The following SYNE1 variants were observed in gnomAD, a reference collection of about 807,000 sequenced individuals.
SYNE1 encodes nesprin-1.
A neutral mutation model predicts 1,111.0 loss-of-function variants in SYNE1; 616 were observed. The observed-to-expected ratio is 0.55, with a 90% CI of 0.52 to 0.59. The LOEUF (loss-of-function observed/expected upper bound fraction) is 0.59. Ranked by LOEUF, SYNE1 falls within the 20% of genes least tolerant of loss-of-function variation. The probability of loss-of-function intolerance (pLI) is 0.00; values close to 1 mark genes in which losing one functional copy is unlikely to be tolerated. For synonymous variants in SYNE1, 3,855 were observed against 3,825.8 expected (o/e 1.01, Z -0.28); for missense variants, 10,006 against 10,417.0 (o/e 0.96, Z 1.72).
chr6:152,302,206 C>T, intron 91 of SYNE1, 143 bp from the exon 92 acceptor site: 2 of 1,073,668 alleles, frequency 1.9e-6, no homozygotes, highest in Non-Finnish European at 2.8e-6. Flanking sequence ...GCGGCGAGTC[C>T]TCCTGCATCT....
rs1297237844 is a variant in SYNE1, at chr6:152,399,716, G to A, written c.7137C>T (p.Gly2379=). ...KYHSAELESL[G]RAMTGLIKKH... is the part of the protein sequence containing the mutation. Reference sequence around the variant, plus strand: ...TCTTTATCAGACCAGTCATTGCACGGCCCAGGCTCTCCAACTCAGCTGAGT... The same window carrying A: ...TCTTTATCAGACCAGTCATTGCACGACCCAGGCTCTCCAACTCAGCTGAGT... Residue 2379 remains glycine (G), a synonymous_variant, in exon 48 of 146, where the codon GGC becomes GGT. Transcript: ENST00000367255. 1.2e-6 allele frequency: 2 copies of A among 1,614,124 alleles called. No homozygotes were observed. The highest frequency in any genetic ancestry group is 2.2e-5 in the East Asian group (1 of 44,876).
intron 95 of SYNE1, among the ~76,000 whole-genome samples, chr6:152,284,593 T>C (rs1337483517): frequency 6.7e-6 from 1 of 150,336 alleles, no homozygotes; most frequent in African/African-American, 2.4e-5. Context: ...GACTGGTGTG[T>C]GCTACCACAC....
Position 152,505,201 on chromosome 6 carries a change from C to G in SYNE1, c.778G>C (p.Asp260His). 6.2e-7 allele frequency: 1 copy of G among 1,613,988 alleles called. No individual in the cohort carries two copies. Among genetic ancestry groups the G allele is most frequent in the Non-Finnish European group, 8.5e-7 (1 of 1,179,970 alleles). ...LGIPRLLDPE[D>H]VDVDKPDEKS... ...AACAGTCAATGAATATTCAGCCTAC[C>G]TTCAGGATCTAGCAGTCTTGGGATC... The change falls in exon 9 of 146, where the codon GAC becomes CAC. Residue 260 changes from aspartate (D) to histidine (H), a missense_variant and splice_region_variant. Physicochemically the swap from Asp to His is moderately conservative, Grantham distance 81. This residue lies in a region of SYNE1 where 1,971 missense variants were observed against 2,084.1 expected (regional missense o/e 0.95). Transcript: ENST00000367255.
chr6:152,256,709 C>T lies in SYNE1; in HGVS notation c.19029G>A (p.Val6343=). The change falls in exon 102 of 146, where the codon GTG becomes GTA. Residue 6343 remains valine (V), a synonymous_variant. Transcript: ENST00000367255. The part of the protein sequence containing the change: ...LSGVPLYKGD[V]PTQDKSAVTS... Reference sequence around the variant, plus strand: ...TAACTGCAGATTTATCTTGGGTTGGCACGTCCCCTTTGTACAGTGGCACAC... The same window carrying T: ...TAACTGCAGATTTATCTTGGGTTGGTACGTCCCCTTTGTACAGTGGCACAC... 6.2e-7 allele frequency: 1 copy of T among 1,614,090 alleles called. No homozygotes were observed. The highest frequency in any genetic ancestry group is 1.3e-5 in the African/African-American group (1 of 75,050).
chr6:152,613,096 G>A (rs1376228597), intron 3 of SYNE1, among the ~76,000 whole-genome samples: 1 of 152,146 alleles, frequency 6.6e-6, no homozygotes, highest in Non-Finnish European at 1.5e-5. Flanking sequence ...ACAAGACAAG[G>A]ATGCCCTCTC....
intron 106 of SYNE1, 124 bp from the exon 107 acceptor site, chr6:152,242,564 C>T: frequency 1.1e-6 from 1 of 943,570 alleles, no homozygotes; most frequent in Non-Finnish European, 1.7e-6. Context: ...GGATGTGCCT[C>T]CTGGAAACGC....
chr6:152,323,756 A>G lies in SYNE1; in HGVS notation c.15658-19T>C, dbSNP rs2095957330. The G allele has an allele frequency of 3.1e-6, 5 of 1,613,982 alleles. No homozygotes were observed. The highest frequency in any genetic ancestry group is 4.2e-6 in the Non-Finnish European group (5 of 1,179,934). On this transcript the variant is annotated intron_variant, in intron 81 of 145. Transcript: ENST00000367255. ...TTTTAACCTGATGACAAATGTACATACTATGAAGTTCAATAATAAATAAAC... is the reference window on the plus strand; with the variant it reads ...TTTTAACCTGATGACAAATGTACATGCTATGAAGTTCAATAATAAATAAAC...
chr6:152,491,047 T>C (rs2098967615), intron 11 of SYNE1, among the ~76,000 whole-genome samples: 1 of 152,202 alleles, frequency 6.6e-6, no homozygotes, highest in East Asian at 1.9e-4. Flanking sequence ...AAGACAGTCT[T>C]CCCTTGGTGT....
At chr6:152,167,977 G>T in intron 130 of SYNE1, 1 of 777,632 alleles carries the variant, frequency 1.3e-6, no homozygotes, top group South Asian at 1.4e-5. Flanking sequence ...CACATGGCCA[G>T]CTATCTCCCA....
chr6:152,461,855 C>A (rs1205137795), intron 20 of SYNE1, 115 bp from the exon 21 acceptor site: 2 of 1,377,702 alleles, frequency 1.5e-6, no homozygotes, highest in Non-Finnish European at 2.0e-6. Context: ...CCAATACTTA[C>A]ACTAAACTTT....
Position 152,368,897 on chromosome 6 carries a change from C to CCCTGCAGAA in SYNE1, c.9807+66_9807+74dup, listed in dbSNP as rs1217083516. On this transcript the variant is annotated intron_variant, in intron 61 of 145. Coordinates refer to ENST00000367255, the MANE Select transcript of SYNE1 (RefSeq NM_182961.4). ...TGGGCGGGTCAGGATGCAATGCACA[C>CCCTGCAGAA]CCTGCAGAACCTGCTGCAACTCCAA... 11 of 1,599,114 alleles carry CCCTGCAGAA rather than the reference C, an allele frequency of 6.9e-6. No individual in the cohort carries two copies. In the East Asian group the frequency reaches 2.0e-4, roughly 29 times the overall value.
intron 3 of SYNE1, among the ~76,000 whole-genome samples, chr6:152,561,539 T>C (rs772204484): frequency 2.7e-4 from 41 of 152,030 alleles, no homozygotes; most frequent in Non-Finnish European, 5.7e-4. Context: ...CCTATCAAAA[T>C]TCCAACGGCA....
chr6:152,141,104 TAGA>T, intron 139 of SYNE1, 96 bp downstream of exon 139: 5 of 1,526,738 alleles, frequency 3.3e-6, no homozygotes, highest in South Asian at 1.1e-5. Context: ...TAGAACGGTG[TAGA>T]AGAAGGCCAA....
chr6:152,189,831 TCCA>T (rs2071693664), intron 127 of SYNE1, among the ~76,000 whole-genome samples: 1 of 152,228 alleles, frequency 6.6e-6, no homozygotes, highest in African/African-American at 2.4e-5. Context: ...CATTGACTGA[TCCA>T]GTGGTGATTG....
At chr6:152,399,581 A>G in intron 48 of SYNE1, 35 bp downstream of exon 48, 3 of 1,612,302 alleles carry the variant, frequency 1.9e-6, no homozygotes, top group Non-Finnish European at 2.5e-6. Flanking sequence ...TTTCTCGGAA[A>G]CAAACTACTC....
At chr6:152,140,449 T>C (rs1274035967) in intron 139 of SYNE1, among the ~76,000 whole-genome samples, 1 of 152,174 alleles carries the variant, frequency 6.6e-6, no homozygotes, top group Non-Finnish European at 1.5e-5. Context: ...CGAACGATCG[T>C]TCAATTCTTG....
At position 152,249,179 on chromosome 6, in the gene SYNE1, G is replaced by C; in HGVS notation, c.19554C>G (p.Pro6518=). The change falls in exon 105 of 146, where the codon CCC becomes CCG. Residue 6518 remains proline (P), a synonymous_variant. Coordinates refer to ENST00000367255, the MANE Select transcript of SYNE1 (RefSeq NM_182961.4). ...LQKLANVFEQ[P]VAEQIEAIQQ... is the part of the protein sequence containing the mutation. ...TAAATACCTCTATTTGTTCTGCTAC[G>C]GGCTGTTCAAACACATTTGCCAGTT... The C allele has an allele frequency of 6.2e-7, 1 of 1,612,706 alleles. No individual in the cohort carries two copies. Among genetic ancestry groups the C allele is most frequent in the African/African-American group, 1.3e-5 (1 of 74,994 alleles).
chr6:152,557,284 T>G (rs1360530455), intron 3 of SYNE1, among the ~76,000 whole-genome samples: 2 of 151,396 alleles, frequency 1.3e-5, no homozygotes, highest in East Asian at 3.9e-4. Flanking sequence ...AAAAAAAGGA[T>G]GAAAAGGGGA....
intron 32 of SYNE1, among the ~76,000 whole-genome samples, chr6:152,438,309 C>T (rs1460242933): frequency 6.6e-6 from 1 of 152,058 alleles, no homozygotes; most frequent in African/African-American, 2.4e-5. Context: ...GCTAGTGTTT[C>T]TCAGAACCCA....
Sources: allele counts gnomAD v4.1 joint callset (sites outside exome capture counted in the v4.1 genomes callset), GRCh38; gene constraint gnomAD v4.1.1; regional missense constraint gnomAD v4.1.1; transcripts MANE v1.5; gene names NCBI Gene and HGNC (gene_info 2026-07-23, HGNC 2026-07-21).